The following NFATC3 variants were observed in gnomAD, a reference collection of about 807,000 sequenced individuals.
NFATC3 encodes the protein nuclear factor of activated T-cells, cytoplasmic 3.
In NFATC3, 46 loss-of-function variants were observed where a neutral mutation model predicts 98.6. That is an observed-to-expected ratio of 0.47 (90% CI 0.37 to 0.60). The LOEUF is 0.60. Among genes scored for constraint, NFATC3 ranks in the 20% least tolerant of loss-of-function variants. NFATC3 has a pLI of 0.00. For synonymous variants in NFATC3, 512 were observed against 472.2 expected (o/e 1.08, Z -1.09); for missense variants, 1,256 against 1,295.5 (o/e 0.97, Z 0.47).
intron 4 of NFATC3, among the ~76,000 whole-genome samples, chr16:68,159,101 G>A (rs984138545): frequency 6.6e-6 from 1 of 152,124 alleles, no homozygotes; most frequent in Non-Finnish European, 1.5e-5. Context: ...GTGCGGTTGC[G>A]CCTGTCTGTA....
intron 3 of NFATC3, among the ~76,000 whole-genome samples, chr16:68,151,948 A>G (rs1204161752): frequency 6.6e-6 from 1 of 151,868 alleles, no homozygotes. Flanking sequence ...AGGCACCTGT[A>G]ATCCCAGTTA....
chr16:68,100,764 A>T (rs1479655911), intron 1 of NFATC3, among the ~76,000 whole-genome samples: 1 of 151,600 alleles, frequency 6.6e-6, no homozygotes, highest in Non-Finnish European at 1.5e-5. Flanking sequence ...TCTTCTCATG[A>T]CTAATACTGT....
intron 3 of NFATC3, among the ~76,000 whole-genome samples, chr16:68,152,574 A>G (rs1388749011): frequency 6.6e-6 from 1 of 151,972 alleles, no homozygotes; most frequent in Non-Finnish European, 1.5e-5. Context: ...GTAGTCGTGC[A>G]ATCATAGCTC....
chr16:68,171,165 G>A (rs1227505625), intron 5 of NFATC3, among the ~76,000 whole-genome samples: 11 of 151,920 alleles, frequency 7.2e-5, no homozygotes, highest in South Asian at 2.1e-4. Flanking sequence ...CTACCACCAC[G>A]CCTGGCTAAT....
At chr16:68,181,671 C>G in intron 7 of NFATC3, 141 bp downstream of exon 7, 3 of 590,252 alleles carry the variant, frequency 5.1e-6, no homozygotes, top group Non-Finnish European at 9.0e-6. Flanking sequence ...TGGCTCATGC[C>G]TGTAATCCCA....
intron 9 of NFATC3, among the ~76,000 whole-genome samples, chr16:68,197,144 A>G (rs914589464): frequency 1.3e-5 from 2 of 152,108 alleles, no homozygotes; most frequent in Admixed American, 6.6e-5. Context: ...AAATCTTGCT[A>G]AACTGCCCAG....
At chr16:68,201,647 T>A (rs994344964) in intron 9 of NFATC3, among the ~76,000 whole-genome samples, 10 of 150,614 alleles carry the variant, frequency 6.6e-5, no homozygotes, top group Non-Finnish European at 1.0e-4. Flanking sequence ...TTGTTTCTTT[T>A]AAAAAAAAGA....
intron 9 of NFATC3, chr16:68,212,430 TGAA>T (rs2041447470): frequency 6.6e-6 from 1 of 152,192 alleles, no homozygotes; most frequent in African/African-American, 2.4e-5. Context: ...TCCTTTTACT[TGAA>T]GTTGTACAAC....
chr16:68,095,583 A>G (rs2034980264), intron 1 of NFATC3, among the ~76,000 whole-genome samples: 1 of 151,962 alleles, frequency 6.6e-6, no homozygotes, highest in African/African-American at 2.4e-5. Flanking sequence ...TGAACTCCCT[A>G]CCTCAGGTGA....
intron 3 of NFATC3, among the ~76,000 whole-genome samples, chr16:68,149,429 A>C (rs750814797): frequency 5.9e-5 from 9 of 152,240 alleles, no homozygotes; most frequent in Non-Finnish European, 1.2e-4. Context: ...TTATGCAGCC[A>C]AACTTAATCC....
At chr16:68,116,081 T>C (rs1219817346) in intron 1 of NFATC3, among the ~76,000 whole-genome samples, 1 of 152,142 alleles carries the variant, frequency 6.6e-6, no homozygotes, top group Non-Finnish European at 1.5e-5. Context: ...TCTACCCTTG[T>C]GTGAAAATAA....
intron 9 of NFATC3, chr16:68,200,189 C>T (rs2040856353): frequency 6.6e-6 from 1 of 151,898 alleles, no homozygotes; most frequent in Non-Finnish European, 1.5e-5. Context: ...AAATTTCCTT[C>T]TGCTTGAACC....
intron 1 of NFATC3, among the ~76,000 whole-genome samples, chr16:68,118,164 T>C (rs189051956): frequency 1.1e-4 from 17 of 152,316 alleles, no homozygotes; most frequent in Admixed American, 1.0e-3. Context: ...GCTGACTCTC[T>C]TTCTTTGCTT....
chr16:68,211,507 TTTTTTG>T (rs976731215), intron 9 of NFATC3, among the ~76,000 whole-genome samples: 1 of 139,820 alleles, frequency 7.2e-6, no homozygotes, highest in Non-Finnish European at 1.6e-5. Context: ...TCTGTAAATG[TTTTTTG>T]TTGTTGTTGT....
At chr16:68,177,278 T>G (rs183291096) in intron 6 of NFATC3, among the ~76,000 whole-genome samples, 111 of 152,270 alleles carry the variant, frequency 7.3e-4, no homozygotes, top group African/African-American at 2.6e-3. Flanking sequence ...CTTGAACTCC[T>G]GATCTCAGGT....
In NFATC3 at chr16:68,166,936, A is replaced by G; in HGVS notation, c.1695A>G (p.Arg565=). 2 of 1,614,164 alleles carry G rather than the reference A, an allele frequency of 1.2e-6. No individual in the cohort carries two copies. The change falls in exon 5 of 10, where the codon CGA becomes CGG. Residue 565 remains arginine, a synonymous_variant. Coordinates refer to ENST00000346183, the MANE Select transcript of NFATC3 (RefSeq NM_173165.3). The part of the protein sequence containing the change: ...TDIGRKNTRV[R]LVFRVHIPQP... ...TTGGCAGAAAGAATACTAGAGTACG[A>G]CTTGTGTTTCGTGTACACATCCCAC...
rs1053797366 is a variant in NFATC3 at position 68,227,371 on chromosome 16, A to G, written c.*900A>G. On this transcript the variant is annotated 3_prime_UTR_variant, in exon 10 of 10. Coordinates refer to ENST00000346183, the MANE Select transcript of NFATC3 (RefSeq NM_173165.3). ...GGTCGTAGAACCTTTTCCAAACAGA[A>G]GCATCTGCCTTTGGCTGTTCTGTGA... 7.9e-5 allele frequency: 12 copies of G among 152,134 alleles called. No individual in the cohort carries two copies. The highest frequency in any genetic ancestry group is 1.6e-4 in the Non-Finnish European group (11 of 68,024). 9.4% of individuals were successfully genotyped at this position (152,134 alleles called of 1,614,324 possible).
At chr16:68,109,396 A>C (rs529105454) in intron 1 of NFATC3, among the ~76,000 whole-genome samples, 7 of 152,312 alleles carry the variant, frequency 4.6e-5, no homozygotes, top group Admixed American at 2.0e-4. Context: ...GAATATGTTG[A>C]ACCAGCCTTG....
chr16:68,155,134 C>A (rs1412813907), intron 3 of NFATC3, among the ~76,000 whole-genome samples: 2 of 152,100 alleles, frequency 1.3e-5, no homozygotes, highest in Non-Finnish European at 2.9e-5. Flanking sequence ...GGAGGATAAC[C>A]AATAAATTAT....
Sources: allele counts gnomAD v4.1 joint callset (sites outside exome capture counted in the v4.1 genomes callset), GRCh38; gene constraint gnomAD v4.1.1; transcripts MANE v1.5; gene names NCBI Gene and HGNC (gene_info 2026-07-23, HGNC 2026-07-21).